CAND2: variants seen among roughly 807,000 people sequenced by gnomAD.
CAND2 encodes the protein cullin-associated NEDD8-dissociated protein 2.
In CAND2, 62 loss-of-function variants were observed where a neutral mutation model predicts 98.9. That is an observed-to-expected ratio of 0.63 (90% CI 0.51 to 0.77). The LOEUF (loss-of-function observed/expected upper bound fraction) is 0.77, where lower values mean the gene tolerates loss of function less well. Ranked by LOEUF, CAND2 falls within the 30% of genes least tolerant of loss-of-function variation. CAND2 has a pLI of 0.00. For synonymous variants in CAND2, 770 were observed against 731.9 expected (o/e 1.05, Z -0.84); for missense variants, 1,501 against 1,655.2 (o/e 0.91, Z 1.62).
At chr3:12,825,057 G>A (rs561483460) in intron 11 of CAND2, among the ~76,000 whole-genome samples, 2 of 151,956 alleles carry the variant, frequency 1.3e-5, no homozygotes, top group South Asian at 4.2e-4. Flanking sequence ...AGTCCGTGCT[G>A]TGTGCCAGGC....
At position 12,810,133 on chromosome 3, in the gene CAND2, TGGCGGTGCGCAAGCG is replaced by T; in HGVS notation, c.573_587del (p.Arg192_Val196del). On this transcript the variant is annotated inframe_deletion, in exon 5 of 15. Coordinates refer to ENST00000456430, the MANE Select transcript of CAND2 (RefSeq NM_001162499.2). ...CTGCCACAGCTGAGCAGCCCGCGCC[TGGCGGTGCGCAAGCG>T]GGCGGTCGGAGCGCTTGGCCACCTG... 6.6e-7 allele frequency: 1 copy of T among 1,522,620 alleles called. No individual in the cohort carries two copies. Among genetic ancestry groups the T allele is most frequent in the Non-Finnish European group, 8.8e-7 (1 of 1,140,624 alleles). 94.3% of individuals were successfully genotyped at this position (1,522,620 alleles called of 1,614,324 possible).
chr3:12,807,170 A>G (rs1361762574), intron 2 of CAND2, 136 bp from the exon 3 acceptor site: 5 of 749,800 alleles, frequency 6.7e-6, no homozygotes, highest in Non-Finnish European at 1.1e-5. Context: ...CTTTCTGGCC[A>G]AACAGGGGCT....
chr3:12,830,678 A>G (rs991758609), intron 13 of CAND2, among the ~76,000 whole-genome samples: 2 of 152,238 alleles, frequency 1.3e-5, no homozygotes, highest in African/African-American at 4.8e-5. Flanking sequence ...TGCGTCATCA[A>G]GTCTTCAAGT....
In CAND2 at chr3:12,820,173, G is replaced by A. The variant is rs374877835; in HGVS notation, c.3032G>A (p.Ser1011Asn). ...CATCCCATTGACCCCCTCCTGAAGA[G>A]CTTCATCGGTGAGCACCTACCTCTT... ...QPHPIDPLLK[S>N]FIGEFMESLQ... Residue 1011 changes from serine to asparagine, a missense_variant, in exon 11 of 15, where the codon AGC (serine) becomes AAC (asparagine). By Grantham distance (46) the Ser-to-Asn change is conservative (BLOSUM62 1). This residue lies in a region of CAND2 where 1,427 missense variants were observed against 1,545.3 expected (regional missense o/e 0.92). Coordinates refer to ENST00000456430, the MANE Select transcript of CAND2 (RefSeq NM_001162499.2). 20 of 1,613,322 alleles carry A rather than the reference G, an allele frequency of 1.2e-5. No individual in the cohort carries two copies. The highest frequency in any genetic ancestry group is 2.7e-5 in the African/African-American group (2 of 74,888).
chr3:12,800,812 T>A (rs2061760226), intron 1 of CAND2, among the ~76,000 whole-genome samples: 1 of 152,106 alleles, frequency 6.6e-6, no homozygotes, highest in Non-Finnish European at 1.5e-5. Flanking sequence ...AACCTCTGCC[T>A]CCTGGGTTCA....
chr3:12,834,439 GAA>G lies in CAND2; in HGVS notation c.*460_*461del, dbSNP rs1369437101. The G allele has an allele frequency of 3.1e-5, 5 of 160,062 alleles. No homozygotes were observed. The highest frequency in any genetic ancestry group is 3.7e-4 in the South Asian group (2 of 5,466). 9.9% of individuals were successfully genotyped at this position (160,062 alleles called of 1,614,324 possible). On this transcript the variant is annotated 3_prime_UTR_variant, in exon 15 of 15. Transcript: ENST00000456430. Reference sequence around the variant, plus strand: ...AGTGCTCAGGCCGGGCATCTCAAAAGAAAAGATACTTGAGTTATTCACATTTT... The same window carrying G: ...AGTGCTCAGGCCGGGCATCTCAAAAGAAGATACTTGAGTTATTCACATTTT...
intron 1 of CAND2, among the ~76,000 whole-genome samples, chr3:12,799,943 G>A (rs1261403075): frequency 1.3e-5 from 2 of 152,214 alleles, no homozygotes; most frequent in Non-Finnish European, 2.9e-5. Flanking sequence ...AAGAAGAAGA[G>A]CGGGGATAGA....
chr3:12,819,497 A>G (rs1400366489), intron 10 of CAND2, among the ~76,000 whole-genome samples: 1 of 152,174 alleles, frequency 6.6e-6, no homozygotes, highest in African/African-American at 2.4e-5. Context: ...TCAGAAAGCA[A>G]GCGGCAAAGC....
chr3:12,813,278 A>G lies in CAND2; in HGVS notation c.896A>G (p.Asn299Ser), dbSNP rs749952722. 3.7e-6 allele frequency: 6 copies of G among 1,613,708 alleles called. No individual in the cohort carries two copies. The highest frequency in any genetic ancestry group is 3.3e-5 in the Admixed American group (2 of 59,986). Residue 299 changes from asparagine (N) to serine (S), a missense_variant, in exon 7 of 15, where the codon AAC becomes AGC. Physicochemically the swap from Asn to Ser is conservative, Grantham distance 46. Around this residue, in one of 3 missense-constraint regions of CAND2, gnomAD observed 1,427 missense variants for 1,545.3 expected, o/e 0.92. Transcript: ENST00000456430. ...CPKEMGPHVP[N>S]VTSLCLQYIK... ...AAGGAAATGGGTCCTCACGTGCCCAACGTGACCAGCCTCTGCCTCCAATAC... is the reference window on the plus strand; with the variant it reads ...AAGGAAATGGGTCCTCACGTGCCCAGCGTGACCAGCCTCTGCCTCCAATAC...
At chr3:12,818,358 A>C (rs541884262) in intron 10 of CAND2, among the ~76,000 whole-genome samples, 1 of 152,326 alleles carries the variant, frequency 6.6e-6, no homozygotes, top group South Asian at 2.1e-4. Flanking sequence ...CAACAAAAAC[A>C]GTTTTCCCAG....
chr3:12,803,679 G>T, intron 2 of CAND2, 48 bp downstream of exon 2: 1 of 1,521,532 alleles, frequency 6.6e-7, no homozygotes, highest in Non-Finnish European at 8.9e-7. Flanking sequence ...TACCTTGTGT[G>T]GGAGCATCCT....
intron 4 of CAND2, among the ~76,000 whole-genome samples, chr3:12,809,092 G>T (rs1035879760): frequency 1.5e-4 from 23 of 152,254 alleles, no homozygotes; most frequent in African/African-American, 5.3e-4. Flanking sequence ...TTGTATTCAG[G>T]AGGGGGACTC....
rs750475682 is a variant in CAND2, at chr3:12,816,667, C to T, written c.1735C>T (p.Arg579Cys). The T allele has an allele frequency of 1.4e-5, 22 of 1,613,674 alleles. No individual in the cohort carries two copies. Among genetic ancestry groups the T allele is most frequent in the Admixed American group, 6.7e-5 (4 of 60,010 alleles). ...EMSAVTLARL[R>C]ATDLDQEVKE... ...GTCTGCTGTCACCCTGGCGCGACTTCGTGCCACTGACCTGGACCAGGAGGT... is the reference window on the plus strand; with the variant it reads ...GTCTGCTGTCACCCTGGCGCGACTTTGTGCCACTGACCTGGACCAGGAGGT... Residue 579 changes from arginine (R) to cysteine (C), a missense_variant, in exon 10 of 15, where the codon CGT (arginine) becomes TGT (cysteine). Around this residue, in one of 3 missense-constraint regions of CAND2, gnomAD observed 1,427 missense variants for 1,545.3 expected, o/e 0.92. Coordinates refer to ENST00000456430, the MANE Select transcript of CAND2 (RefSeq NM_001162499.2).
At chr3:12,823,287 G>GTTTGTTT (rs55809732) in intron 11 of CAND2, among the ~76,000 whole-genome samples, 99,884 of 151,416 alleles carry the variant, frequency 0.66, 33,320 homozygotes, top group African/African-American at 0.74. Context: ...AGTTTTTGTT[G>GTTTGTTT]GTTTGTTTTT....
chr3:12,811,820 G>T (rs1399359376), intron 5 of CAND2, among the ~76,000 whole-genome samples: 3 of 152,120 alleles, frequency 2.0e-5, no homozygotes, highest in Non-Finnish European at 4.4e-5. Context: ...GTGATCCCAT[G>T]ATCTGCCCGC....
Position 12,817,741 on chromosome 3 carries a change from A to G in CAND2, c.2809A>G (p.Ile937Val). Residue 937 changes from isoleucine to valine, a missense_variant, in exon 10 of 15, where the codon ATC becomes GTC. By Grantham distance (29) the Ile-to-Val change is conservative (BLOSUM62 3). Coordinates refer to ENST00000456430, the MANE Select transcript of CAND2 (RefSeq NM_001162499.2). ...CAGCCTGAAGCCCTACGCCGAGGAC[A>G]TCTGGGCCTTGCTGTTCCAGCGCTG... ...PDSLKPYAED[I>V]WALLFQRCEG... The G allele has an allele frequency of 6.3e-7, 1 of 1,577,504 alleles. No individual in the cohort carries two copies. The highest frequency in any genetic ancestry group is 1.4e-5 in the African/African-American group (1 of 74,042).
chr3:12,803,432 C>T (rs1313432691), intron 1 of CAND2, 56 bp from the exon 2 acceptor site: 35 of 1,516,298 alleles, frequency 2.3e-5, no homozygotes, highest in Non-Finnish European at 3.1e-5. Flanking sequence ...AGGTACTGCC[C>T]AAATCCACCA....
intron 12 of CAND2, among the ~76,000 whole-genome samples, chr3:12,826,490 C>T (rs1253037958): frequency 6.6e-6 from 1 of 152,066 alleles, no homozygotes; most frequent in Non-Finnish European, 1.5e-5. Flanking sequence ...TGCAGTGGCA[C>T]AATCACAGCT....
At chr3:12,819,098 C>T (rs62243688) in intron 10 of CAND2, among the ~76,000 whole-genome samples, 6 of 152,220 alleles carry the variant, frequency 3.9e-5, no homozygotes, top group Non-Finnish European at 7.3e-5. Context: ...TAGTCTCCTT[C>T]TCACCTCCCT....
Sources: allele counts gnomAD v4.1 joint callset (sites outside exome capture counted in the v4.1 genomes callset), GRCh38; gene constraint gnomAD v4.1.1; regional missense constraint gnomAD v4.1.1; transcripts MANE v1.5; gene names NCBI Gene and HGNC (gene_info 2026-07-23, HGNC 2026-07-21).